Variants in GFOD1 observed in about 807,000 individuals in gnomAD.
GFOD1 encodes glucose-fructose oxidoreductase domain-containing protein 1.
GFOD1 carries 9 observed loss-of-function variants against 25.4 expected under a neutral mutation model. The observed-to-expected ratio is 0.35, with a 90% CI of 0.21 to 0.62. The LOEUF is 0.62. Among genes scored for constraint, GFOD1 ranks in the 20% least tolerant of loss-of-function variants. The pLI is 0.72. For synonymous variants in GFOD1, 253 were observed against 245.6 expected (o/e 1.03, Z -0.28); for missense variants, 403 against 556.9 (o/e 0.72, Z 2.78).
At chr6:13,408,093 C>G in intron 1 of GFOD1, 1 of 985,362 alleles carries the variant, frequency 1.0e-6, no homozygotes, top group Non-Finnish European at 1.2e-6. Context: ...GGCTGAGAGC[C>G]CGGCCACGGT....
chr6:13,415,655 G>A (rs1414918060), intron 1 of GFOD1, among the ~76,000 whole-genome samples: 3 of 152,162 alleles, frequency 2.0e-5, no homozygotes, highest in Non-Finnish European at 2.9e-5. Flanking sequence ...CTATGTGTCC[G>A]GATTCACTAG....
At chr6:13,415,647 A>G (rs1431575030) in intron 1 of GFOD1, among the ~76,000 whole-genome samples, 10 of 152,112 alleles carry the variant, frequency 6.6e-5, no homozygotes, top group Admixed American at 6.5e-4. Context: ...CAGACCTTCT[A>G]TGTGTCCGGA....
At chr6:13,389,235 C>T (rs1562201824) in intron 1 of GFOD1, among the ~76,000 whole-genome samples, 1 of 152,164 alleles carries the variant, frequency 6.6e-6, no homozygotes, top group Non-Finnish European at 1.5e-5. Flanking sequence ...GCTAGACATA[C>T]CATTTGACCC....
rs1023560320 is a variant in GFOD1, at chr6:13,441,997, G to A, written c.253+44641C>T. On this transcript the variant is annotated intron_variant, in intron 1 of 1. Coordinates refer to ENST00000379287, the MANE Select transcript of GFOD1 (RefSeq NM_018988.4). ...CACACACCCCCACACTCACTCAGAT[G>A]GGGACTGTGTAGACACGCCAATTCT... 3.9e-5 allele frequency among the ~76,000 whole-genome samples: 6 copies of A among 152,156 alleles called. No individual in the cohort carries two copies. The South Asian group carries it at 1.2e-3, about 31-fold the overall frequency.
At position 13,469,440 on chromosome 6, in the gene GFOD1, G is replaced by C. The variant is rs1758438834; in HGVS notation, c.253+17198C>G. ...CTCCTCAGTTATGGAATTAGATGAT[G>C]CAAGTTCCAGTTCAGTCACCATTTC... On this transcript the variant is annotated intron_variant, in intron 1 of 1. Coordinates refer to ENST00000379287, the MANE Select transcript of GFOD1 (RefSeq NM_018988.4). 5.1e-6 allele frequency: 5 copies of C among 985,586 alleles called. No homozygotes were observed. The South Asian group carries it at 1.9e-4, about 37-fold the overall frequency. 61.1% of individuals were successfully genotyped at this position (985,586 alleles called of 1,614,324 possible). A position where few individuals can be genotyped will look rare whatever the true frequency, so the allele number is the denominator to read the frequency against.
At chr6:13,406,533 G>C (rs1371006232) in intron 1 of GFOD1, among the ~76,000 whole-genome samples, 1 of 152,196 alleles carries the variant, frequency 6.6e-6, no homozygotes, top group Non-Finnish European at 1.5e-5. Flanking sequence ...AAGAGAGCGA[G>C]AGCACAATCG....
rs376630075 is a variant in GFOD1, at chr6:13,472,359, T to C, written c.253+14279A>G. Among the ~76,000 whole-genome samples the C allele has an allele frequency of 2.6e-4, 39 of 152,332 alleles. No individual in the cohort carries two copies. In the East Asian group the frequency reaches 4.4e-3, roughly 17 times the overall value. On this transcript the variant is annotated intron_variant, in intron 1 of 1. Transcript: ENST00000379287. ...TAGCACAGACCCAGAGAGCATCTGG[T>C]ATGTAGCTGGCACTCAATAAATCTT...
At chr6:13,470,238 C>G (rs745639754) in intron 1 of GFOD1, 1 of 1,595,958 alleles carries the variant, frequency 6.3e-7, no homozygotes, top group Non-Finnish European at 8.6e-7. Flanking sequence ...GAAAGAAGGG[C>G]AATTGCCGGC....
chr6:13,456,859 T>C (rs1758199022), intron 1 of GFOD1, among the ~76,000 whole-genome samples: 1 of 152,114 alleles, frequency 6.6e-6, no homozygotes. Flanking sequence ...GAACAGAAAG[T>C]TCACGTGAGC....
At chr6:13,447,303 C>T (rs1438419991) in intron 1 of GFOD1, among the ~76,000 whole-genome samples, 1 of 152,178 alleles carries the variant, frequency 6.6e-6, no homozygotes, top group East Asian at 1.9e-4. Flanking sequence ...GTAGATGCAT[C>T]AGCCTGCAAG....
intron 1 of GFOD1, among the ~76,000 whole-genome samples, chr6:13,477,319 C>T (rs1758650184): frequency 6.6e-6 from 1 of 150,768 alleles, no homozygotes; most frequent in Admixed American, 6.6e-5. Context: ...CTAAAATGTG[C>T]AGGGCAGGCA....
intron 1 of GFOD1, among the ~76,000 whole-genome samples, chr6:13,410,155 C>T (rs1333544607): frequency 6.6e-6 from 1 of 152,026 alleles, no homozygotes; most frequent in Non-Finnish European, 1.5e-5. Context: ...GCCTTAACTT[C>T]AGATAAATAT....
At chr6:13,366,021 ATGTTCTGGCCGCTGCAGTGAG>A (rs1310055956) in intron 1 of GFOD1, among the ~76,000 whole-genome samples, 1 of 151,120 alleles carries the variant, frequency 6.6e-6, no homozygotes, top group East Asian at 1.9e-4. Flanking sequence ...GCAGTGAGCT[ATGTTCTGGCCGCTGCAGTGAG>A]CTATGTTCTG....
At chr6:13,433,118 C>CT (rs34908391) in intron 1 of GFOD1, among the ~76,000 whole-genome samples, 28,479 of 133,636 alleles carry the variant, frequency 0.21, 3,519 homozygotes, top group Admixed American at 0.32. Context: ...TGCTGGGTCC[C>CT]TTTTTTTTTT....
chr6:13,444,104 G>A (rs536821166), intron 1 of GFOD1, among the ~76,000 whole-genome samples: 22 of 152,222 alleles, frequency 1.4e-4, no homozygotes, highest in Admixed American at 7.2e-4. Flanking sequence ...ACATGGAATC[G>A]ATCTAAATGC....
chr6:13,456,374 C>A (rs1243794661), intron 1 of GFOD1, among the ~76,000 whole-genome samples: 1 of 152,020 alleles, frequency 6.6e-6, no homozygotes, highest in Non-Finnish European at 1.5e-5. Flanking sequence ...GGGGTTTTGC[C>A]ATGTTGCCCA....
chr6:13,418,416 T>G (rs1272924278), intron 1 of GFOD1, among the ~76,000 whole-genome samples: 1 of 152,260 alleles, frequency 6.6e-6, no homozygotes, highest in African/African-American at 2.4e-5. Flanking sequence ...TTGCAGAATA[T>G]GCAGCCATCA....
chr6:13,470,072 T>C (rs1758460254), intron 1 of GFOD1: 1 of 1,389,392 alleles, frequency 7.2e-7, no homozygotes, highest in South Asian at 1.1e-5. Flanking sequence ...AGTAAATGGG[T>C]GAGGAATACA....
chr6:13,409,142 AAAGAAAGAGAGG>A lies in GFOD1; in HGVS notation c.254-43492_254-43481del, dbSNP rs1562209404. Among the ~76,000 whole-genome samples, 6 of 42,818 alleles carry A rather than the reference AAAGAAAGAGAGG, an allele frequency of 1.4e-4. 1 individual carries two copies. Among genetic ancestry groups the A allele is most frequent in the African/African-American group, 3.0e-4 (6 of 20,304 alleles). 28.1% of individuals were successfully genotyped at this position (42,818 alleles called of 152,430 possible). ...GAAAGAAAGAAAGAAAGAAAGAAAG[AAAGAAAGAGAGG>A]AAAGAAAGAAAGGAAAGAGAGAGAG... is the stretch of plus-strand genomic sequence containing the variant. On this transcript the variant is annotated intron_variant, in intron 1 of 1. Transcript: ENST00000379287.
Sources: gnomAD v4.1 joint callset for allele counts (sites outside exome capture counted in the v4.1 genomes callset) on GRCh38, gnomAD v4.1.1 for gene constraint, MANE v1.5 for transcripts, NCBI Gene and HGNC (gene_info 2026-07-23, HGNC 2026-07-21) for gene names.